Variants in COL28A1 observed in about 807,000 individuals in gnomAD.
The protein encoded by COL28A1 is collagen alpha-1(XXVIII) chain.
COL28A1 carries 161 observed loss-of-function variants against 150.2 expected under a neutral mutation model. The ratio of observed to expected loss-of-function variants is 1.07; its 90% CI spans 0.94 to 1.22. The LOEUF (loss-of-function observed/expected upper bound fraction) is 1.22. COL28A1 is among the 50% of genes most tolerant of loss of function. COL28A1 has a pLI of 0.00. For missense variants in COL28A1, 1,617 were observed against 1,388.3 expected (o/e 1.16, Z -2.62); for synonymous variants, 552 against 469.7 (o/e 1.18, Z -2.26).
chr7:7,385,624 C>G (rs1401197366), intron 27 of COL28A1, among the ~76,000 whole-genome samples: 6 of 152,116 alleles, frequency 3.9e-5, no homozygotes, highest in African/African-American at 1.4e-4. Flanking sequence ...ACACAATTTC[C>G]TAATATAGCT....
At chr7:7,346,861 C>T in the COL28A1 span, among the ~76,000 whole-genome samples, 364 of 152,106 alleles carry the variant, frequency 2.4e-3, no homozygotes, top group Non-Finnish European at 4.2e-3. Flanking sequence ...AAAAACTTTC[C>T]AAATTGTTAT....
intron 27 of COL28A1, among the ~76,000 whole-genome samples, chr7:7,387,077 C>G (rs1299840046): frequency 2.0e-5 from 3 of 152,092 alleles, no homozygotes; most frequent in Non-Finnish European, 4.4e-5. Flanking sequence ...CCCCAAGGCC[C>G]CACTTCCTAA....
chr7:7,383,925 G>T (rs571526252), intron 27 of COL28A1, among the ~76,000 whole-genome samples: 2 of 150,660 alleles, frequency 1.3e-5, no homozygotes, highest in Non-Finnish European at 2.9e-5. Context: ...ATATAAAATG[G>T]TACAAAATAA....
chr7:7,377,456 TG>T lies in COL28A1; in HGVS notation c.2323-1960del, dbSNP rs545103411. 6.8e-3 allele frequency among the ~76,000 whole-genome samples: 1,040 copies of T among 152,256 alleles called. 10 individuals are homozygous for T. Among genetic ancestry groups the T allele is most frequent in the Middle Eastern group, 0.014 (4 of 294 alleles). ...ACCATCTCGATCTGCTGGGAATTCCTGGGGCAGGAAACTGAGGATGGGACTG... is the reference window on the plus strand; with the variant it reads ...ACCATCTCGATCTGCTGGGAATTCCTGGGCAGGAAACTGAGGATGGGACTG... On this transcript the variant is annotated intron_variant, in intron 30 of 34. Coordinates refer to ENST00000399429, the MANE Select transcript of COL28A1 (RefSeq NM_001037763.3).
chr7:7,340,979 C>T, the COL28A1 span, among the ~76,000 whole-genome samples: 5 of 152,130 alleles, frequency 3.3e-5, 1 homozygote, highest in African/African-American at 1.2e-4. Flanking sequence ...GGCTAAGGTC[C>T]AAGCCCTTCT....
chr7:7,448,671 T>C (rs966943690), intron 18 of COL28A1, among the ~76,000 whole-genome samples: 2 of 151,524 alleles, frequency 1.3e-5, no homozygotes, highest in Admixed American at 6.5e-5. Context: ...TTAAAATTTT[T>C]ATTTATAATA....
chr7:7,491,491 T>C lies in COL28A1; in HGVS notation c.1027-845A>G, dbSNP rs141459653. Among the ~76,000 whole-genome samples the C allele has an allele frequency of 1.4e-3, 211 of 152,348 alleles. 1 individual carries two copies. The highest frequency in any genetic ancestry group is 4.5e-3 in the African/African-American group (186 of 41,590). ...GTCCTGGACTACCTGCCTTCAAATA[T>C]TCTGTTTACTCAACAGCAAGAGTTC... On this transcript the variant is annotated intron_variant, in intron 11 of 34. Transcript: ENST00000399429.
chr7:7,362,037 G>A (rs528112737), intron 33 of COL28A1, among the ~76,000 whole-genome samples: 1 of 152,184 alleles, frequency 6.6e-6, no homozygotes, highest in Non-Finnish European at 1.5e-5. Context: ...TCTGTGGGTG[G>A]GGGCCTAGGG....
At chr7:7,349,358 T>G in the COL28A1 span, among the ~76,000 whole-genome samples, 1 of 152,116 alleles carries the variant, frequency 6.6e-6, no homozygotes, top group African/African-American at 2.4e-5. Context: ...ACTATTTCTA[T>G]CCCAGTATTA....
chr7:7,517,138 T>C lies in COL28A1; in HGVS notation c.855+658A>G, dbSNP rs188381029. Among the ~76,000 whole-genome samples the C allele has an allele frequency of 2.4e-4, 37 of 152,262 alleles. No homozygotes were observed. The East Asian group carries it at 6.9e-3, about 29-fold the overall frequency. ...TGACATTACTAAACTTTCTATCAGA[T>C]TTTTTAATGAAGTTGATTCAAAATA... On this transcript the variant is annotated intron_variant, in intron 7 of 34. Coordinates refer to ENST00000399429, the MANE Select transcript of COL28A1 (RefSeq NM_001037763.3).
Position 7,474,129 on chromosome 7 carries a change from T to C in COL28A1, c.1302+472A>G, listed in dbSNP as rs541850972. 1.5e-4 allele frequency among the ~76,000 whole-genome samples: 22 copies of C among 149,676 alleles called. 1 individual carries two copies. The East Asian group carries it at 4.3e-3, about 29-fold the overall frequency. On this transcript the variant is annotated intron_variant, in intron 15 of 34. Coordinates refer to ENST00000399429, the MANE Select transcript of COL28A1 (RefSeq NM_001037763.3). ...TCAGTCATAAAAAGGAATGAATTAA[T>C]GGCATTTGCAGTGACCTGAATGAGA...
chr7:7,360,317 C>T, intron 34 of COL28A1, 73 bp downstream of exon 34: 1 of 1,408,448 alleles, frequency 7.1e-7, no homozygotes, highest in African/African-American at 1.5e-5. Context: ...GCAGATCTCT[C>T]TTTCCTTTGT....
intron 7 of COL28A1, 128 bp downstream of exon 7, chr7:7,517,668 G>A: frequency 7.4e-7 from 1 of 1,345,736 alleles, no homozygotes; most frequent in Admixed American, 2.0e-5. Flanking sequence ...TTGCCTTCTT[G>A]AGCCATCAAG....
Position 7,453,462 on chromosome 7 carries a change from C to A in COL28A1, c.1418G>T (p.Gly473Val), listed in dbSNP as rs374640221. 5 of 1,295,778 alleles carry A rather than the reference C, an allele frequency of 3.9e-6. No individual in the cohort carries two copies. The African/African-American group carries it at 7.3e-5, about 19-fold the overall frequency. 80.3% of individuals were successfully genotyped at this position (1,295,778 alleles called of 1,614,324 possible). ...IGPPGPQGPA[G>V]QGLPGSKGEV... ...TACCTTGGAACCAGGTAAGCCCTGT[C>A]CTGCGGGCCCTTGTGGACCAGGTGG... The change falls in exon 17 of 35, where the codon GGA (glycine) becomes GTA (valine). Residue 473 changes from glycine to valine, a missense_variant. Transcript: ENST00000399429.
intron 27 of COL28A1, among the ~76,000 whole-genome samples, chr7:7,383,944 C>T (rs1185256357): frequency 6.6e-6 from 1 of 152,070 alleles, no homozygotes; most frequent in African/African-American, 2.4e-5. Flanking sequence ...AAAATGAACA[C>T]AGCACAGATT....
At position 7,377,818 on chromosome 7, in the gene COL28A1, A is replaced by AAC. The variant is rs1554261391; in HGVS notation, c.2323-2322_2323-2321insGT. Among the ~76,000 whole-genome samples, 105 of 151,522 alleles carry AAC rather than the reference A, an allele frequency of 6.9e-4. 1 individual carries two copies. Among genetic ancestry groups the AAC allele is most frequent in the African/African-American group, 2.5e-3 (101 of 41,222 alleles). ...CTCAATAATTCACGCAAAAAAAAAAAAAAAACCAGACATCAGAAGGCTGTG... is the reference window on the plus strand; with the variant it reads ...CTCAATAATTCACGCAAAAAAAAAAAACAAAAACCAGACATCAGAAGGCTGTG... On this transcript the variant is annotated intron_variant, in intron 30 of 34. Coordinates refer to ENST00000399429, the MANE Select transcript of COL28A1 (RefSeq NM_001037763.3).
At chr7:7,354,804 G>A (rs890058522), downstream of COL28A1, among the ~76,000 whole-genome samples, 2 of 152,138 alleles carry the variant, frequency 1.3e-5, no homozygotes, top group African/African-American at 4.8e-5. Context: ...CTGACTTCCT[G>A]GGAATGTAAC....
At chr7:7,519,989 TA>T (rs2115189785) in intron 6 of COL28A1, 72 bp downstream of exon 6, 2 of 799,500 alleles carry the variant, frequency 2.5e-6, no homozygotes, top group South Asian at 3.2e-5. Flanking sequence ...TTTTTATTTT[TA>T]AAATTGTTGT....
intron 8 of COL28A1, among the ~76,000 whole-genome samples, chr7:7,515,192 C>G (rs1781353734): frequency 6.6e-6 from 1 of 152,174 alleles, no homozygotes. Flanking sequence ...ATCAATGAAC[C>G]AGTGAGCACT....
Sources: allele counts gnomAD v4.1 joint callset (sites outside exome capture counted in the v4.1 genomes callset), GRCh38; gene constraint gnomAD v4.1.1; transcripts MANE v1.5; gene names NCBI Gene and HGNC (gene_info 2026-07-23, HGNC 2026-07-21).